The following MAP7D2 variants were observed in gnomAD, a reference collection of about 807,000 sequenced individuals.
MAP7D2 encodes MAP7 domain containing 2.
In MAP7D2, 33 loss-of-function variants were observed where a neutral mutation model predicts 63.5. That is an observed-to-expected ratio of 0.52 (90% confidence interval 0.39 to 0.70). The LOEUF is 0.70. Ranked by LOEUF, MAP7D2 falls within the 30% of genes least tolerant of loss-of-function variation. The probability of loss-of-function intolerance (pLI) is 0.00; values close to 1 mark genes in which losing one functional copy is unlikely to be tolerated. For missense variants in MAP7D2, 626 were observed against 604.0 expected (o/e 1.04, Z -0.38); for synonymous variants, 224 against 223.7 (o/e 1.00, Z -0.01).
chrX:20,052,864 A>G lies in MAP7D2; in HGVS notation c.595+14T>C. 8.7e-7 allele frequency: 1 copy of G among 1,151,447 alleles called. No homozygotes were observed. The highest frequency in any genetic ancestry group is 1.2e-6 in the Non-Finnish European group (1 of 840,540). The allele number at this position is 1,151,447 out of a possible 1,213,427, so 94.9% of individuals were successfully genotyped here. On this transcript the variant is annotated intron_variant, in intron 5 of 16. Coordinates refer to ENST00000379643, the MANE Select transcript of MAP7D2 (RefSeq NM_001168465.2). Reference sequence around the variant, plus strand: ...GAAACAAACTAGAGAGACCAAGTCTACATGTTCACTTGCCTCGGTCTGGGG... The same window carrying G: ...GAAACAAACTAGAGAGACCAAGTCTGCATGTTCACTTGCCTCGGTCTGGGG...
chrX:20,028,307 C>T (rs1437478952), intron 8 of MAP7D2, among the ~76,000 whole-genome samples: 1 of 111,925 alleles, frequency 8.9e-6, no homozygotes, highest in Non-Finnish European at 1.9e-5. Context: ...GTCACCAAGA[C>T]CCCAAGATGT....
At chrX:20,009,803 C>T (rs755148976) in intron 16 of MAP7D2, among the ~76,000 whole-genome samples, 2 of 110,245 alleles carry the variant, frequency 1.8e-5, no homozygotes, top group East Asian at 5.6e-4. Context: ...CAAGACCAGC[C>T]GGGCAACATA....
At position 20,064,884 on chromosome X, in the gene MAP7D2, G is replaced by T. The variant is rs1340065645; in HGVS notation, c.131-79C>A. ...CTAAGTACTATAGGCAACTGGGCAT[G>T]GCACCCGAGTCTGACTGCACGTGCA... On this transcript the variant is annotated intron_variant, in intron 1 of 16. Coordinates refer to ENST00000379643, the MANE Select transcript of MAP7D2 (RefSeq NM_001168465.2). The T allele has an allele frequency of 3.5e-6, 3 of 857,075 alleles. No individual in the cohort carries two copies. The African/African-American group carries it at 6.0e-5, about 17-fold the overall frequency. The allele number at this position is 857,075 out of a possible 1,213,427, so 70.6% of individuals were successfully genotyped here.
chrX:20,107,486 G>A (rs1347263735), intron 1 of MAP7D2, among the ~76,000 whole-genome samples: 7 of 111,198 alleles, frequency 6.3e-5, no homozygotes, highest in Non-Finnish European at 1.3e-4. Context: ...CATAAGAACC[G>A]TTTGAACCGG....
Position 20,063,841 on chromosome X carries a change from T to C in MAP7D2, c.209-264A>G, listed in dbSNP as rs376791363. On this transcript the variant is annotated intron_variant, in intron 2 of 16. Coordinates refer to ENST00000379643, the MANE Select transcript of MAP7D2 (RefSeq NM_001168465.2). ...TTGCCACATCACAGTGTTGTTAAGA[T>C]TGAACAAGATGATGACCGTGAAGTT... Among the ~76,000 whole-genome samples, 21 of 112,248 alleles carry C rather than the reference T, an allele frequency of 1.9e-4. No individual in the cohort carries two copies. The South Asian group carries it at 3.4e-3, about 18-fold the overall frequency.
chrX:20,081,007 G>T, intron 1 of MAP7D2, among the ~76,000 whole-genome samples: 1 of 111,669 alleles, frequency 9.0e-6, no homozygotes, highest in East Asian at 2.8e-4. Flanking sequence ...ACCAATCCAA[G>T]ACAAGACTCA....
chrX:20,108,877 G>C (rs2066648056), intron 1 of MAP7D2, among the ~76,000 whole-genome samples: 1 of 110,552 alleles, frequency 9.0e-6, no homozygotes, highest in African/African-American at 3.3e-5. Flanking sequence ...AGTGTCCTAA[G>C]GCAGGAAGCC....
chrX:20,056,416 A>T (rs145529021), intron 4 of MAP7D2, among the ~76,000 whole-genome samples: 1,589 of 111,688 alleles, frequency 0.014, 8 homozygotes, highest in Middle Eastern at 0.018. Context: ...CTGCGTTCAA[A>T]GTCTTCTCTT....
intron 1 of MAP7D2, among the ~76,000 whole-genome samples, chrX:20,091,946 C>T (rs751070952): frequency 1.8e-5 from 2 of 111,946 alleles, no homozygotes; most frequent in Non-Finnish European, 3.8e-5. Context: ...AAATTATCCA[C>T]AAGAAATTAT....
chrX:20,036,122 T>C (rs2074223881), intron 8 of MAP7D2, among the ~76,000 whole-genome samples: 2 of 110,813 alleles, frequency 1.8e-5, no homozygotes, highest in South Asian at 7.7e-4. Context: ...CAACAGATAT[T>C]GGGGCCTACT....
intron 8 of MAP7D2, among the ~76,000 whole-genome samples, chrX:20,032,188 CA>C (rs1481073961): frequency 8.9e-6 from 1 of 112,104 alleles, no homozygotes; most frequent in Admixed American, 9.4e-5. Flanking sequence ...TGATAAGACT[CA>C]AAAATACAGG....
intron 1 of MAP7D2, among the ~76,000 whole-genome samples, chrX:20,074,135 CA>C (rs775366987): frequency 2.5e-3 from 148 of 59,321 alleles, no homozygotes; most frequent in Admixed American, 3.6e-3. Flanking sequence ...AACTCCGTCT[CA>C]AAAAAAAAAA....
chrX:20,070,422 CTATAA>C (rs1214964959), intron 1 of MAP7D2, among the ~76,000 whole-genome samples: 1 of 110,530 alleles, frequency 9.0e-6, no homozygotes, highest in Non-Finnish European at 1.9e-5. Context: ...TGCACCCAGC[CTATAA>C]TATTTCTTAT....
At chrX:20,098,173 C>T (rs955325040) in intron 1 of MAP7D2, among the ~76,000 whole-genome samples, 11 of 111,831 alleles carry the variant, frequency 9.8e-5, no homozygotes, top group Non-Finnish European at 1.7e-4. Flanking sequence ...GCACTACAAA[C>T]ACTTTCCATG....
At chrX:20,012,964 T>C (rs1451120019) in intron 14 of MAP7D2, 90 bp downstream of exon 14, 8 of 749,700 alleles carry the variant, frequency 1.1e-5, no homozygotes, top group African/African-American at 8.4e-5. Flanking sequence ...AGTCACCCTC[T>C]TGGGATCCAT....
intron 1 of MAP7D2, among the ~76,000 whole-genome samples, chrX:20,068,426 T>TAA (rs2065414422): frequency 8.9e-6 from 1 of 112,266 alleles, no homozygotes; most frequent in Non-Finnish European, 1.9e-5. Context: ...GTAAAGCTTC[T>TAA]TCCACACAGC....
Position 20,050,904 on chromosome X carries a change from G to T in MAP7D2, c.638C>A (p.Ser213Ter). Reference sequence around the variant, plus strand: ...AGACTGTGTGGGTGTCAACAGTCGCGAAACAAGAATGGCTTCCATTGGACT... The same window carrying T: ...AGACTGTGTGGGTGTCAACAGTCGCTAAACAAGAATGGCTTCCATTGGACT... ...HLSPMEAILV[S>*]RLLTPTQSSL... The change falls in exon 6 of 17, where the codon TCG becomes TAG. Residue 213 changes from serine to a stop codon, truncating the protein, a stop_gained. Transcript: ENST00000379643. LOFTEE classifies it high-confidence loss of function. 1 of 1,174,663 alleles carries T rather than the reference G, an allele frequency of 8.5e-7. No homozygotes were observed. Among genetic ancestry groups the T allele is most frequent in the African/African-American group, 1.8e-5 (1 of 56,907 alleles).
intron 8 of MAP7D2, among the ~76,000 whole-genome samples, chrX:20,036,222 C>T (rs1055095008): frequency 1.8e-5 from 2 of 110,081 alleles, no homozygotes; most frequent in Admixed American, 1.9e-4. Flanking sequence ...AATATGTACA[C>T]CAAACCCCTG....
chrX:20,064,985 G>A (rs907278477), intron 1 of MAP7D2, among the ~76,000 whole-genome samples, 180 bp from the exon 2 acceptor site: 15 of 112,215 alleles, frequency 1.3e-4, no homozygotes, highest in African/African-American at 4.9e-4. Context: ...CTGAGGGGCA[G>A]CAGCTACCAC....
Sources: allele counts gnomAD v4.1 joint callset (sites outside exome capture counted in the v4.1 genomes callset), GRCh38; gene constraint gnomAD v4.1.1; transcripts MANE v1.5; gene names NCBI Gene and HGNC (gene_info 2026-07-23, HGNC 2026-07-21).